Variants in FAM227B observed in about 807,000 individuals in gnomAD.
The protein encoded by FAM227B is protein FAM227B.
A neutral mutation model predicts 73.8 loss-of-function variants in FAM227B; 88 were observed. The ratio of observed to expected loss-of-function variants is 1.19; its 90% CI spans 1.00 to 1.42. The LOEUF (loss-of-function observed/expected upper bound fraction) is 1.42, where lower values mean the gene tolerates loss of function less well. FAM227B is among the 40% of genes most tolerant of loss of function. The pLI, the probability that FAM227B is intolerant of heterozygous loss-of-function variation, is 0.00. For missense variants in FAM227B, 632 were observed against 590.9 expected, an observed-to-expected ratio of 1.07 and a Z score of -0.72; for synonymous variants, 210 against 190.5, an observed-to-expected ratio of 1.10 and a Z score of -0.84.
intron 11 of FAM227B, among the ~76,000 whole-genome samples, chr15:49,469,808 G>T (rs186731121): frequency 2.0e-4 from 30 of 152,164 alleles, no homozygotes; most frequent in Non-Finnish European, 3.7e-4. Context: ...GAAGCTACTG[G>T]CTGAAACATA....
intron 11 of FAM227B, among the ~76,000 whole-genome samples, chr15:49,422,176 G>A (rs1347745972): frequency 6.9e-6 from 1 of 144,528 alleles, no homozygotes. Flanking sequence ...GCGCGCGCGC[G>A]CGTGCACGCG....
intron 1 of FAM227B, among the ~76,000 whole-genome samples, chr15:49,615,880 T>C (rs369163742): frequency 6.6e-6 from 1 of 152,184 alleles, no homozygotes; most frequent in Non-Finnish European, 1.5e-5. Context: ...ATAAGAAAGA[T>C]TGGCCTGAAT....
chr15:49,344,555 G>A (rs916151027), intron 13 of FAM227B, among the ~76,000 whole-genome samples: 9 of 152,160 alleles, frequency 5.9e-5, no homozygotes, highest in South Asian at 2.1e-4. Context: ...AGCGAGGGAG[G>A]ACTGTAACTC....
chr15:49,423,357 T>C (rs559608834), intron 11 of FAM227B: 1 of 152,298 alleles, frequency 6.6e-6, no homozygotes, highest in South Asian at 2.1e-4. Context: ...AAATAGTTTG[T>C]AGCTACAGTA....
At chr15:49,417,593 G>A (rs1300383428) in intron 11 of FAM227B, among the ~76,000 whole-genome samples, 3 of 152,066 alleles carry the variant, frequency 2.0e-5, no homozygotes, top group East Asian at 1.9e-4. Flanking sequence ...TTCAATAAAC[G>A]GTGCTGGGAT....
chr15:49,547,333 T>A (rs4619340), intron 9 of FAM227B, among the ~76,000 whole-genome samples: 46,034 of 146,568 alleles, frequency 0.31, 7,894 homozygotes, highest in African/African-American at 0.44. Context: ...ACATGCCAAA[T>A]TGTAAAGACC....
chr15:49,535,882 C>A (rs1760819393), intron 10 of FAM227B, among the ~76,000 whole-genome samples: 1 of 151,504 alleles, frequency 6.6e-6, no homozygotes, highest in Admixed American at 6.6e-5. Flanking sequence ...TAAAAACTCT[C>A]AACAGTTTAG....
intron 3 of FAM227B, among the ~76,000 whole-genome samples, chr15:49,610,101 A>G (rs1336528227): frequency 6.6e-6 from 1 of 152,036 alleles, no homozygotes; most frequent in African/African-American, 2.4e-5. Flanking sequence ...CAATTTAAGC[A>G]AAGGGATAAC....
chr15:49,524,772 G>A (rs555629508), intron 10 of FAM227B, among the ~76,000 whole-genome samples: 2 of 152,238 alleles, frequency 1.3e-5, no homozygotes, highest in African/African-American at 4.8e-5. Context: ...TCTTGCATCA[G>A]TGTGACCTGG....
At chr15:49,341,402 ATTTG>A (rs922022136) in intron 13 of FAM227B, among the ~76,000 whole-genome samples, 26 of 152,112 alleles carry the variant, frequency 1.7e-4, no homozygotes, top group African/African-American at 6.0e-4. Context: ...ATGTTTTTTC[ATTTG>A]TTTGTGTCAC....
At chr15:49,534,541 G>C (rs2060863309) in intron 10 of FAM227B, among the ~76,000 whole-genome samples, 1 of 139,436 alleles carries the variant, frequency 7.2e-6, no homozygotes, top group East Asian at 2.2e-4. Context: ...TTAACACTCT[G>C]CTTTCAACAC....
At chr15:49,424,762 G>A in intron 11 of FAM227B, 1 of 464,460 alleles carries the variant, frequency 2.2e-6, no homozygotes, top group East Asian at 3.3e-5. Context: ...CTTTTAACAG[G>A]GCAAATCTAC....
intron 11 of FAM227B, chr15:49,484,282 A>C: frequency 6.6e-7 from 1 of 1,514,620 alleles, no homozygotes; most frequent in Non-Finnish European, 9.0e-7. Context: ...CATTTGGATA[A>C]TGTCTGTTTG....
intron 11 of FAM227B, among the ~76,000 whole-genome samples, chr15:49,457,047 G>A (rs1392580351): frequency 6.6e-6 from 1 of 152,054 alleles, no homozygotes; most frequent in Non-Finnish European, 1.5e-5. Context: ...CTCAAAGCCA[G>A]TATCATTTTT....
chr15:49,501,817 G>A (rs982244779), intron 11 of FAM227B, among the ~76,000 whole-genome samples: 4 of 152,188 alleles, frequency 2.6e-5, no homozygotes, highest in African/African-American at 9.6e-5. Flanking sequence ...CACAGGCCCT[G>A]AGGCCTAGGA....
intron 13 of FAM227B, chr15:49,366,054 T>C (rs2045125610): frequency 1.2e-6 from 1 of 817,994 alleles, no homozygotes; most frequent in Non-Finnish European, 2.2e-6. Context: ...CTTCCTTTTT[T>C]TTCCCTCATT....
intron 11 of FAM227B, among the ~76,000 whole-genome samples, chr15:49,450,958 C>T (rs539247312): frequency 1.2e-4 from 19 of 152,184 alleles, no homozygotes; most frequent in Admixed American, 3.3e-4. Context: ...TTGAATGCTC[C>T]TTCCCCCAAA....
intron 11 of FAM227B, among the ~76,000 whole-genome samples, chr15:49,388,435 T>C (rs956590516): frequency 2.0e-5 from 3 of 151,770 alleles, no homozygotes; most frequent in Non-Finnish European, 4.4e-5. Flanking sequence ...AAGCCACACA[T>C]TGAAGAATGA....
chr15:49,403,310 G>A (rs947809617), intron 11 of FAM227B, among the ~76,000 whole-genome samples: 6 of 152,064 alleles, frequency 3.9e-5, no homozygotes, highest in Admixed American at 1.3e-4. Flanking sequence ...TCCCTCCTTT[G>A]CAATTTTTTG....
Sources: allele counts gnomAD v4.1 joint callset (sites outside exome capture counted in the v4.1 genomes callset), GRCh38; gene constraint gnomAD v4.1.1; transcripts MANE v1.5; gene names NCBI Gene and HGNC (gene_info 2026-07-23, HGNC 2026-07-21).